Variants in KCNT2 observed in about 807,000 individuals in gnomAD.
The protein encoded by KCNT2 is potassium channel subfamily T member 2.
KCNT2 carries 67 observed loss-of-function variants against 153.8 expected under a neutral mutation model. The observed-to-expected ratio is 0.44, with a 90% CI of 0.36 to 0.53. The LOEUF (loss-of-function observed/expected upper bound fraction) is 0.53, where lower values mean the gene tolerates loss of function less well. Ranked by LOEUF, KCNT2 falls within the 20% of genes least tolerant of loss-of-function variation. The pLI, the probability that KCNT2 is intolerant of heterozygous loss-of-function variation, is 0.00. For synonymous variants in KCNT2, 500 were observed against 458.8 expected, an observed-to-expected ratio of 1.09 and a Z score of -1.15; for missense variants, 975 against 1,354.8, an observed-to-expected ratio of 0.72 and a Z score of 4.40.
rs185848743 is a variant in KCNT2, at chr1:196,337,886, G to A, written c.1783+2455C>T. Among the ~76,000 whole-genome samples, 758 of 151,862 alleles carry A rather than the reference G, an allele frequency of 5.0e-3. 16 individuals carry two copies. The highest frequency in any genetic ancestry group is 0.031 in the South Asian group (149 of 4,806). ...TTTTTTTATATGTACTTTGGTTATC[G>A]CCTGTCTTCTCCATAATAGAATGCA... On this transcript the variant is annotated intron_variant, in intron 16 of 27. Coordinates refer to ENST00000294725, the MANE Select transcript of KCNT2 (RefSeq NM_198503.5).
intron 21 of KCNT2, among the ~76,000 whole-genome samples, chr1:196,312,330 G>A (rs937318961): frequency 1.3e-5 from 2 of 151,634 alleles, no homozygotes; most frequent in African/African-American, 2.4e-5. Context: ...CCTCTGGACT[G>A]GAGGTAGTTC....
chr1:196,247,783 T>C (rs1294092635), intron 26 of KCNT2, among the ~76,000 whole-genome samples: 1 of 152,120 alleles, frequency 6.6e-6, no homozygotes, highest in Non-Finnish European at 1.5e-5. Flanking sequence ...CAATTCAAGA[T>C]GAGATATGGG....
chr1:196,579,129 G>A (rs1002499549), intron 1 of KCNT2, among the ~76,000 whole-genome samples: 4 of 152,014 alleles, frequency 2.6e-5, no homozygotes, highest in African/African-American at 9.7e-5. Flanking sequence ...TATGGGTTTG[G>A]ACAAAGGTAC....
chr1:196,257,308 C>G, intron 26 of KCNT2: 1 of 982,984 alleles, frequency 1.0e-6, no homozygotes, highest in Non-Finnish European at 1.2e-6. Context: ...TTCTCTTAAA[C>G]TCTAATTCAA....
chr1:196,300,124 G>A (rs1661040729), intron 22 of KCNT2, among the ~76,000 whole-genome samples: 1 of 152,176 alleles, frequency 6.6e-6, no homozygotes, highest in South Asian at 2.1e-4. Flanking sequence ...AAATTACACA[G>A]GCTGCAAGGA....
chr1:196,379,530 T>G, intron 13 of KCNT2, among the ~76,000 whole-genome samples: 1 of 151,212 alleles, frequency 6.6e-6, no homozygotes, highest in East Asian at 1.9e-4. Flanking sequence ...CAAGACTGTG[T>G]CACTGCACTC....
chr1:196,494,840 A>G (rs1473669822), intron 1 of KCNT2, among the ~76,000 whole-genome samples: 1 of 152,182 alleles, frequency 6.6e-6, no homozygotes, highest in Admixed American at 6.5e-5. Context: ...GTGATTCTCT[A>G]TTAAATAGAA....
intron 12 of KCNT2, among the ~76,000 whole-genome samples, chr1:196,403,197 G>A (rs1439116704): frequency 1.3e-5 from 2 of 151,530 alleles, no homozygotes; most frequent in South Asian, 2.1e-4. Flanking sequence ...TGGATAAACC[G>A]TGCCACATCC....
At chr1:196,516,445 C>T (rs1682063204) in intron 1 of KCNT2, among the ~76,000 whole-genome samples, 1 of 152,026 alleles carries the variant, frequency 6.6e-6, no homozygotes, top group Non-Finnish European at 1.5e-5. Context: ...TACAACACCC[C>T]TGCTGGTGTT....
chr1:196,359,047 T>C (rs1667406613), intron 14 of KCNT2, among the ~76,000 whole-genome samples: 1 of 152,032 alleles, frequency 6.6e-6, no homozygotes, highest in Non-Finnish European at 1.5e-5. Flanking sequence ...GGACTTCGTT[T>C]TATTTAAATT....
At chr1:196,300,972 C>G (rs1291170164) in intron 22 of KCNT2, among the ~76,000 whole-genome samples, 1 of 152,174 alleles carries the variant, frequency 6.6e-6, no homozygotes, top group African/African-American at 2.4e-5. Context: ...TCTCCCAAAG[C>G]ACAGGATGAA....
intron 22 of KCNT2, among the ~76,000 whole-genome samples, chr1:196,303,320 T>C (rs1026892392): frequency 5.9e-5 from 9 of 152,190 alleles, no homozygotes; most frequent in African/African-American, 2.2e-4. Context: ...AAATTGTGCC[T>C]TCTTGCCTGC....
In KCNT2 at chr1:196,228,133, T is replaced by C; in HGVS notation, c.*91A>G. ...CGTTTTTAAATATGAGAGAATTACA[T>C]ATATTTCCATCTAGTTTCTTTCGTG... On this transcript the variant is annotated 3_prime_UTR_variant, in exon 28 of 28. Transcript: ENST00000294725. 2.3e-5 allele frequency: 16 copies of C among 685,336 alleles called. No individual in the cohort carries two copies. In the South Asian group the frequency reaches 2.7e-4, roughly 11 times the overall value. The allele number at this position is 685,336 out of a possible 1,614,324, so 42.5% of individuals were successfully genotyped here. A position where few individuals can be genotyped will look rare whatever the true frequency, so the allele number is the denominator to read the frequency against.
At chr1:196,345,462 A>G (rs564149601) in intron 14 of KCNT2, among the ~76,000 whole-genome samples, 33 of 152,222 alleles carry the variant, frequency 2.2e-4, no homozygotes, top group African/African-American at 7.5e-4. Context: ...AGGGAGGGGG[A>G]GAAAATGGGG....
At chr1:196,511,948 G>C (rs2148799836) in intron 1 of KCNT2, among the ~76,000 whole-genome samples, 1 of 152,224 alleles carries the variant, frequency 6.6e-6, no homozygotes, top group South Asian at 2.1e-4. Context: ...TACAACACTT[G>C]TTAGCAACAG....
At chr1:196,449,862 A>G (rs1026878347) in intron 8 of KCNT2, among the ~76,000 whole-genome samples, 2 of 151,708 alleles carry the variant, frequency 1.3e-5, no homozygotes, top group Non-Finnish European at 3.0e-5. Flanking sequence ...TGACTTTATG[A>G]TGTTTTAAAA....
intron 26 of KCNT2, 143 bp downstream of exon 26, chr1:196,258,051 T>C (rs1422882342): frequency 1.4e-6 from 2 of 1,433,002 alleles, no homozygotes; most frequent in Admixed American, 2.8e-5. Context: ...AAATTTTCTG[T>C]AGGAGATCAG....
intron 8 of KCNT2, among the ~76,000 whole-genome samples, chr1:196,459,571 G>T (rs1474060207): frequency 1.3e-5 from 2 of 151,768 alleles, no homozygotes; most frequent in Non-Finnish European, 2.9e-5. Flanking sequence ...CTCAAACTGG[G>T]CCTGCTCTGT....
chr1:196,256,981 G>C (rs1375098508), intron 26 of KCNT2, among the ~76,000 whole-genome samples: 1 of 151,948 alleles, frequency 6.6e-6, no homozygotes. Flanking sequence ...CATTAAATGT[G>C]ATTATATTAA....
Sources: allele counts gnomAD v4.1 joint callset (sites outside exome capture counted in the v4.1 genomes callset), GRCh38; gene constraint gnomAD v4.1.1; transcripts MANE v1.5; gene names NCBI Gene and HGNC (gene_info 2026-07-23, HGNC 2026-07-21).